Variants in CHP1 observed in about 807,000 individuals in gnomAD.
CHP1 encodes the protein calcineurin B homologous protein 1.
CHP1 carries 11 observed loss-of-function variants against 27.4 expected under a neutral mutation model. The ratio of observed to expected loss-of-function variants is 0.40; its 90% CI spans 0.25 to 0.67. The LOEUF (loss-of-function observed/expected upper bound fraction) is 0.67. CHP1 is among the 30% of genes least tolerant of loss of function. CHP1 has a pLI of 0.38. For missense variants in CHP1, 169 were observed against 251.3 expected (o/e 0.67, Z 2.22); for synonymous variants, 89 against 87.4 (o/e 1.02, Z -0.10).
At chr15:41,245,922 G>A (rs1337265382) in intron 2 of CHP1, among the ~76,000 whole-genome samples, 1 of 152,066 alleles carries the variant, frequency 6.6e-6, no homozygotes, top group African/African-American at 2.4e-5. Flanking sequence ...TCTTGTAAGG[G>A]CTTTATGGTT....
chr15:41,241,732 C>T (rs1356107723), intron 1 of CHP1, among the ~76,000 whole-genome samples: 1 of 152,236 alleles, frequency 6.6e-6, no homozygotes. Context: ...CACAGCCACA[C>T]ATAGTGTGTC....
chr15:41,260,419 G>C (rs948252558), intron 3 of CHP1, among the ~76,000 whole-genome samples: 4 of 145,612 alleles, frequency 2.7e-5, no homozygotes, highest in Admixed American at 2.7e-4. Flanking sequence ...TTTTGAGATG[G>C]AGTCTCCCTC....
At chr15:41,275,819 G>A (rs1328448174) in intron 5 of CHP1, among the ~76,000 whole-genome samples, 2 of 151,928 alleles carry the variant, frequency 1.3e-5, no homozygotes, top group East Asian at 2.0e-4. Flanking sequence ...GGGTTGAAGC[G>A]ATTCTCATGC....
chr15:41,252,897 G>A (rs2047377072), intron 2 of CHP1, among the ~76,000 whole-genome samples: 2 of 141,334 alleles, frequency 1.4e-5, no homozygotes, highest in Admixed American at 1.4e-4. Flanking sequence ...ATGCTTTTCA[G>A]TGAATCCACA....
At chr15:41,274,905 C>G (rs1026895828) in intron 5 of CHP1, among the ~76,000 whole-genome samples, 2 of 151,192 alleles carry the variant, frequency 1.3e-5, no homozygotes, top group African/African-American at 4.9e-5. Flanking sequence ...ACTGTCCTCC[C>G]ATAGCCTCCT....
intron 3 of CHP1, among the ~76,000 whole-genome samples, chr15:41,259,019 A>G (rs1038890856): frequency 2.0e-5 from 3 of 152,198 alleles, no homozygotes; most frequent in African/African-American, 4.8e-5. Context: ...CACGTTGACT[A>G]TGAGGAATCT....
At chr15:41,252,491 A>G (rs1425832776) in intron 2 of CHP1, among the ~76,000 whole-genome samples, 1 of 152,066 alleles carries the variant, frequency 6.6e-6, no homozygotes, top group East Asian at 1.9e-4. Flanking sequence ...TTCTAATTGA[A>G]TGTGTGTTCC....
chr15:41,247,812 A>G (rs2047343452), intron 2 of CHP1, among the ~76,000 whole-genome samples: 2 of 151,252 alleles, frequency 1.3e-5, no homozygotes. Context: ...TACTAAAAAT[A>G]CAAAAAATTA....
intron 2 of CHP1, among the ~76,000 whole-genome samples, chr15:41,251,636 G>A (rs564566303): frequency 6.6e-6 from 1 of 152,224 alleles, no homozygotes; most frequent in Non-Finnish European, 1.5e-5. Context: ...ATTGTGAACT[G>A]CCCATGTGAG....
At position 41,280,867 on chromosome 15, in the gene CHP1, T is replaced by C. The variant is rs929794829; in HGVS notation, c.*1478T>C. 4.0e-5 allele frequency: 6 copies of C among 151,268 alleles called. No homozygotes were observed. Among genetic ancestry groups the C allele is most frequent in the African/African-American group, 1.5e-4 (6 of 41,010 alleles). 9.4% of individuals were successfully genotyped at this position (151,268 alleles called of 1,614,324 possible). On this transcript the variant is annotated 3_prime_UTR_variant, in exon 7 of 7. Transcript: ENST00000334660. ...AGTGTCTTGAAGTTTTGCACAAAAT[T>C]CTTTTTTTTGAGATGGAGTCTCACT...
chr15:41,246,322 G>C (rs917199321), intron 2 of CHP1, among the ~76,000 whole-genome samples: 1 of 150,100 alleles, frequency 6.7e-6, no homozygotes, highest in African/African-American at 2.5e-5. Context: ...TTAATGAGCT[G>C]TTTCTTTTTT....
chr15:41,274,385 G>T (rs1260300837), intron 5 of CHP1, among the ~76,000 whole-genome samples: 1 of 152,122 alleles, frequency 6.6e-6, no homozygotes, highest in Non-Finnish European at 1.5e-5. Flanking sequence ...GCCACCTCTG[G>T]GCTGTTTCAT....
intron 4 of CHP1, among the ~76,000 whole-genome samples, chr15:41,266,403 C>G (rs1224444902): frequency 6.6e-6 from 1 of 151,660 alleles, no homozygotes; most frequent in Non-Finnish European, 1.5e-5. Context: ...AGGCCCAGGG[C>G]ATGGTAAGTA....
chr15:41,281,474 C>G lies in CHP1; in HGVS notation c.*2085C>G, dbSNP rs1430651688. ...TCTATGAGTGTATTTAGCCACACAT[C>G]TGCCCTTGGTTGACTTTCTGACTCA... On this transcript the variant is annotated 3_prime_UTR_variant, in exon 7 of 7. Transcript: ENST00000334660. The G allele has an allele frequency of 6.5e-6, 1 of 152,676 alleles. No individual in the cohort carries two copies. The highest frequency in any genetic ancestry group is 2.4e-5 in the African/African-American group (1 of 41,468). 9.5% of individuals were successfully genotyped at this position (152,676 alleles called of 1,614,324 possible). A position where few individuals can be genotyped will look rare whatever the true frequency, so the allele number is the denominator to read the frequency against.
chr15:41,277,689 G>A lies in CHP1; in HGVS notation c.412-1078G>A, dbSNP rs576885530. 9.9e-5 allele frequency among the ~76,000 whole-genome samples: 15 copies of A among 152,154 alleles called. No individual in the cohort carries two copies. In the East Asian group the frequency reaches 1.9e-3, roughly 20 times the overall value. ...TGTAATCCCAGCTACTCGGGAGGCC[G>A]AGGCAGGGGAATCGCTTGAACTGGG... On this transcript the variant is annotated intron_variant, in intron 5 of 6. Coordinates refer to ENST00000334660, the MANE Select transcript of CHP1 (RefSeq NM_007236.5).
chr15:41,278,961 C>G, intron 6 of CHP1, 72 bp downstream of exon 6: 1 of 1,591,494 alleles, frequency 6.3e-7, no homozygotes, highest in East Asian at 2.3e-5. Context: ...GCCTGTAATC[C>G]CAGCACTTTA....
chr15:41,272,833 G>C (rs1337426938), intron 5 of CHP1, among the ~76,000 whole-genome samples: 1 of 152,096 alleles, frequency 6.6e-6, no homozygotes, highest in Admixed American at 6.6e-5. Flanking sequence ...TGGATCCCGA[G>C]GTCAGGAGAT....
Position 41,269,777 on chromosome 15 carries a change from T to G in CHP1, c.350-780T>G, listed in dbSNP as rs145068096. ...CTTAATCTTAGTGGCATTCTTGAAG[T>G]GATTCAAAACCTAAAAACCAAGCTA... is the stretch of plus-strand genomic sequence containing the variant. On this transcript the variant is annotated intron_variant, in intron 4 of 6. Coordinates refer to ENST00000334660, the MANE Select transcript of CHP1 (RefSeq NM_007236.5). 4.8e-3 allele frequency among the ~76,000 whole-genome samples: 736 copies of G among 152,212 alleles called. 9 individuals are homozygous for G. Among genetic ancestry groups the G allele is most frequent in the African/African-American group, 0.017 (711 of 41,508 alleles).
At chr15:41,259,963 C>G (rs2047424016) in intron 3 of CHP1, among the ~76,000 whole-genome samples, 1 of 152,200 alleles carries the variant, frequency 6.6e-6, no homozygotes, top group Non-Finnish European at 1.5e-5. Flanking sequence ...CTCTTGACCT[C>G]AGGTGATCCG....
Sources: gnomAD v4.1 joint callset for allele counts (sites outside exome capture counted in the v4.1 genomes callset) on GRCh38, gnomAD v4.1.1 for gene constraint, MANE v1.5 for transcripts, NCBI Gene and HGNC (gene_info 2026-07-23, HGNC 2026-07-21) for gene names.